Variants in CACNA1B observed in about 807,000 individuals in gnomAD.
CACNA1B encodes voltage-dependent N-type calcium channel subunit alpha-1B.
In CACNA1B, 70 loss-of-function variants were observed where a neutral mutation model predicts 247.2. That is an observed-to-expected ratio of 0.28 (90% CI 0.23 to 0.35). The LOEUF (loss-of-function observed/expected upper bound fraction) is 0.35, where lower values mean the gene tolerates loss of function less well. Among genes scored for constraint, CACNA1B ranks in the 10% least tolerant of loss-of-function variants. CACNA1B has a pLI of 1.00. For missense variants in CACNA1B, 2,367 were observed against 3,197.4 expected (o/e 0.74, Z 6.26); for synonymous variants, 1,231 against 1,294.4 (o/e 0.95, Z 1.05).
chr9:138,033,074 T>C (rs1351382550), intron 20 of CACNA1B, among the ~76,000 whole-genome samples: 1 of 152,168 alleles, frequency 6.6e-6, no homozygotes, highest in African/African-American at 2.4e-5. Flanking sequence ...CTTTTTTAAG[T>C]CTACTTTCTC....
chr9:138,038,886 T>C (rs1414218708), intron 20 of CACNA1B, among the ~76,000 whole-genome samples: 1 of 152,112 alleles, frequency 6.6e-6, no homozygotes, highest in Non-Finnish European at 1.5e-5. Flanking sequence ...TGGTGGGCTT[T>C]TTAAAAAGAG....
At position 137,986,561 on chromosome 9, in the gene CACNA1B, G is replaced by T. The variant is rs774960840; in HGVS notation, c.1901+17G>T. ...TGGGGGACAGTAAGTGGGCCCGGGA[G>T]GGAGAGCTCAAGGCTGGGGGCTTGC... On this transcript the variant is annotated intron_variant, in intron 14 of 46. Transcript: ENST00000371372. This position sits in a 1 kb window ranked among gnomAD's most constrained non-coding sequence, Gnocchi z 6.0. 2 of 1,613,426 alleles carry T rather than the reference G, an allele frequency of 1.2e-6. No homozygotes were observed. Among genetic ancestry groups the T allele is most frequent in the Non-Finnish European group, 1.7e-6 (2 of 1,179,672 alleles).
At chr9:138,106,688 TG>T (rs1961439380) in intron 39 of CACNA1B, among the ~76,000 whole-genome samples, 1 of 152,190 alleles carries the variant, frequency 6.6e-6, no homozygotes, top group African/African-American at 2.4e-5. Flanking sequence ...GGCTTGAACC[TG>T]GGAGGCGGAG....
intron 13 of CACNA1B, 143 bp downstream of exon 13, chr9:137,984,393 G>C: frequency 1.5e-6 from 1 of 673,318 alleles, no homozygotes; most frequent in South Asian, 1.8e-5. Flanking sequence ...ACAAAAGGTG[G>C]TTCCAAAACG....
At chr9:137,965,638 G>T (rs969440890) in intron 10 of CACNA1B, among the ~76,000 whole-genome samples, 1 of 151,538 alleles carries the variant, frequency 6.6e-6, no homozygotes, top group South Asian at 2.1e-4. Flanking sequence ...TAACCCTGTC[G>T]CCTAGGCTGG....
chr9:137,948,139 C>A (rs1290445926), intron 6 of CACNA1B, among the ~76,000 whole-genome samples: 1 of 152,118 alleles, frequency 6.6e-6, no homozygotes, highest in East Asian at 1.9e-4. Flanking sequence ...CACCACCATG[C>A]CTGGCTAACG....
At chr9:137,893,524 G>A (rs1243595875) in intron 3 of CACNA1B, among the ~76,000 whole-genome samples, 2 of 151,434 alleles carry the variant, frequency 1.3e-5, no homozygotes, top group African/African-American at 2.4e-5. Flanking sequence ...GGTGGCACGC[G>A]CCTGTAATCC....
Position 137,882,875 on chromosome 9 carries a change from C to T in CACNA1B, c.522C>T (p.Val174=), listed in dbSNP as rs199849222. 2.5e-6 allele frequency: 4 copies of T among 1,613,722 alleles called. No individual in the cohort carries two copies. The highest frequency in any genetic ancestry group is 1.6e-4 in the Middle Eastern group (1 of 6,080). Residue 174 remains valine, a synonymous_variant, in exon 3 of 47, where the codon GTC becomes GTT. Transcript: ENST00000371372. The surrounding 1 kb of genome is among the most constrained non-coding windows in gnomAD (Gnocchi z 4.0). The part of the protein sequence containing the change: ...NGWNVMDFVV[V]LTGILATAGT... ...GGAACGTCATGGACTTCGTGGTCGTCCTCACAGGGTAGGCAAGCTGAGGCC... is the reference window on the plus strand; with the variant it reads ...GGAACGTCATGGACTTCGTGGTCGTTCTCACAGGGTAGGCAAGCTGAGGCC...
intron 6 of CACNA1B, among the ~76,000 whole-genome samples, chr9:137,925,934 T>C (rs867528749): frequency 5.3e-5 from 8 of 150,322 alleles, no homozygotes; most frequent in South Asian, 2.1e-4. Context: ...TTTTTTTTTT[T>C]TAGTAGAGAC....
At chr9:138,079,473 T>A (rs781779452) in intron 36 of CACNA1B, among the ~76,000 whole-genome samples, 15 of 152,124 alleles carry the variant, frequency 9.9e-5, no homozygotes, top group Non-Finnish European at 1.9e-4. Context: ...CCGGGCGTGG[T>A]GGCTCACACC....
intron 12 of CACNA1B, among the ~76,000 whole-genome samples, chr9:137,981,699 G>A (rs927887317): frequency 5.3e-5 from 8 of 152,084 alleles, no homozygotes; most frequent in African/African-American, 9.7e-5. Flanking sequence ...GGCTGGTCCC[G>A]AACTCCTGAC....
chr9:137,879,265 G>C, intron 2 of CACNA1B, 106 bp downstream of exon 2: 1 of 717,050 alleles, frequency 1.4e-6, no homozygotes, highest in Non-Finnish European at 2.4e-6. Context: ...GGTCGTCTGG[G>C]CAGTGCCCCT....
intron 39 of CACNA1B, 111 bp downstream of exon 39, chr9:138,105,918 T>G (rs1961409155): frequency 1.5e-6 from 1 of 672,578 alleles, no homozygotes; most frequent in Non-Finnish European, 2.6e-6. Context: ...GCCAGCTGTG[T>G]CTGGAGGGGT....
intron 42 of CACNA1B, among the ~76,000 whole-genome samples, chr9:138,117,117 G>A (rs944462840): frequency 3.3e-5 from 5 of 152,324 alleles, no homozygotes; most frequent in East Asian, 3.9e-4. Flanking sequence ...GCACTCACCC[G>A]AACACATTCC....
intron 6 of CACNA1B, among the ~76,000 whole-genome samples, chr9:137,948,547 A>C (rs1957824845): frequency 6.6e-6 from 1 of 151,798 alleles, no homozygotes; most frequent in South Asian, 2.1e-4. Context: ...TGTAATCCAA[A>C]AAGTTATCAG....
intron 10 of CACNA1B, among the ~76,000 whole-genome samples, chr9:137,970,552 T>C (rs1042425331): frequency 2.0e-5 from 3 of 152,094 alleles, no homozygotes; most frequent in Non-Finnish European, 2.9e-5. Flanking sequence ...TAAAACACAG[T>C]GACAGGTGGT....
intron 3 of CACNA1B, among the ~76,000 whole-genome samples, chr9:137,895,331 T>G (rs781255753): frequency 6.0e-4 from 91 of 152,342 alleles, no homozygotes; most frequent in Non-Finnish European, 4.0e-4. Flanking sequence ...CTAGGTACTT[T>G]GCCTTTCATA....
intron 3 of CACNA1B, among the ~76,000 whole-genome samples, chr9:137,889,332 T>C (rs1408303862): frequency 1.3e-5 from 2 of 150,048 alleles, no homozygotes; most frequent in African/African-American, 4.8e-5. Context: ...TTGCCAGACA[T>C]TCTCTCCCTT....
chr9:138,045,952 G>A (rs1014898984), intron 21 of CACNA1B, among the ~76,000 whole-genome samples: 9 of 152,122 alleles, frequency 5.9e-5, no homozygotes, highest in Non-Finnish European at 1.2e-4. Context: ...GGACACGCCT[G>A]CGAGGCAGGG....
Sources: gnomAD v4.1 joint callset for allele counts (sites outside exome capture counted in the v4.1 genomes callset) on GRCh38, gnomAD v4.1.1 for gene constraint, Gnocchi (gnomAD v3.1) non-coding constraint, MANE v1.5 for transcripts, NCBI Gene and HGNC (gene_info 2026-07-23, HGNC 2026-07-21) for gene names.